Variants in CCDC102B observed in about 807,000 individuals in gnomAD.
CCDC102B encodes coiled-coil domain containing 102B, also known as coiled-coil domain-containing protein 102B.
CCDC102B carries 75 observed loss-of-function variants against 57.4 expected under a neutral mutation model. That is an observed-to-expected ratio of 1.31 (90% CI 1.08 to 1.58). The LOEUF (loss-of-function observed/expected upper bound fraction) is 1.58. Ranked by LOEUF, CCDC102B falls within the 40% of genes most tolerant of loss-of-function variation. The pLI, the probability that CCDC102B is intolerant of heterozygous loss-of-function variation, is 0.00. For missense variants in CCDC102B, 636 were observed against 582.6 expected, an observed-to-expected ratio of 1.09 and a Z score of -0.94; for synonymous variants, 206 against 201.9, an observed-to-expected ratio of 1.02 and a Z score of -0.17.
At chr18:68,917,488 G>A (rs2041116989) in intron 6 of CCDC102B, among the ~76,000 whole-genome samples, 1 of 152,108 alleles carries the variant, frequency 6.6e-6, no homozygotes, top group Admixed American at 6.5e-5. Flanking sequence ...TGTAGCTAAG[G>A]GAATTGTCAT....
At chr18:68,825,335 C>G (rs573038186) in intron 1 of CCDC102B, among the ~76,000 whole-genome samples, 1 of 152,204 alleles carries the variant, frequency 6.6e-6, no homozygotes, top group South Asian at 2.1e-4. Context: ...AAAGAAAAAG[C>G]TAAATAATAC....
At chr18:68,750,564 G>A (rs1438205935) in intron 2 of CCDC102B, among the ~76,000 whole-genome samples, 3 of 152,090 alleles carry the variant, frequency 2.0e-5, no homozygotes, top group Non-Finnish European at 4.4e-5. Context: ...TTCCATCAAT[G>A]ATAGACTGGA....
chr18:68,954,033 A>C (rs561609309), intron 6 of CCDC102B, among the ~76,000 whole-genome samples: 11 of 152,146 alleles, frequency 7.2e-5, no homozygotes, highest in Non-Finnish European at 1.6e-4. Context: ...ATAGGGGAAG[A>C]AAATTTTAGT....
At chr18:68,862,026 C>T (rs772884353) in intron 4 of CCDC102B, among the ~76,000 whole-genome samples, 12 of 152,134 alleles carry the variant, frequency 7.9e-5, no homozygotes, top group Non-Finnish European at 1.6e-4. Flanking sequence ...ATAATCATCT[C>T]TCTCTAAATG....
At chr18:68,715,336 C>G (rs952120352) in exon 1 of CCDC102B, 1 of 950,894 alleles carries the variant, frequency 1.1e-6, no homozygotes, top group African/African-American at 1.8e-5. Flanking sequence ...AAGGTGAATA[C>G]CGGTGAAAGT....
At chr18:68,858,142 C>G (rs2038566077) in intron 4 of CCDC102B, among the ~76,000 whole-genome samples, 1 of 152,192 alleles carries the variant, frequency 6.6e-6, no homozygotes, top group South Asian at 2.1e-4. Flanking sequence ...TGTGCCCCCA[C>G]CAGGCAACAA....
chr18:69,004,713 C>A (rs1426719849), intron 6 of CCDC102B, among the ~76,000 whole-genome samples: 1 of 151,994 alleles, frequency 6.6e-6, no homozygotes, highest in Non-Finnish European at 1.5e-5. Flanking sequence ...TAATCTATGA[C>A]CTCTACTGGA....
At chr18:68,799,147 A>G (rs1372737985) in intron 1 of CCDC102B, among the ~76,000 whole-genome samples, 2 of 152,092 alleles carry the variant, frequency 1.3e-5, no homozygotes, top group Non-Finnish European at 2.9e-5. Flanking sequence ...TTGCCAATAA[A>G]TATTTTTATA....
chr18:68,897,596 T>C (rs1479776490), intron 6 of CCDC102B, 168 bp downstream of exon 6: 10 of 1,570,024 alleles, frequency 6.4e-6, no homozygotes, highest in Non-Finnish European at 8.6e-6. Flanking sequence ...ATAACGTTCA[T>C]GCATCTGAAA....
chr18:69,051,232 AT>A (rs2052696761), intron 7 of CCDC102B, among the ~76,000 whole-genome samples: 1 of 150,128 alleles, frequency 6.7e-6, no homozygotes, highest in African/African-American at 2.5e-5. Context: ...TATAAAATAC[AT>A]TTTATTTTTT....
intron 6 of CCDC102B, among the ~76,000 whole-genome samples, chr18:68,941,490 G>A (rs1314768124): frequency 1.3e-5 from 2 of 152,016 alleles, no homozygotes; most frequent in African/African-American, 4.8e-5. Flanking sequence ...AAATGTACTT[G>A]CTAGATATGA....
At chr18:68,937,354 A>G (rs2049268128) in intron 6 of CCDC102B, among the ~76,000 whole-genome samples, 1 of 152,196 alleles carries the variant, frequency 6.6e-6, no homozygotes, top group Admixed American at 6.5e-5. Flanking sequence ...AGCTGAAACC[A>G]GAAGCTGAAT....
chr18:69,045,232 T>C (rs1198040863), intron 7 of CCDC102B, among the ~76,000 whole-genome samples: 1 of 152,070 alleles, frequency 6.6e-6, no homozygotes, highest in Non-Finnish European at 1.5e-5. Flanking sequence ...AATAGTAAAT[T>C]ATTCATGAAG....
chr18:68,746,150 C>T (rs962881922), intron 2 of CCDC102B, among the ~76,000 whole-genome samples: 7 of 152,148 alleles, frequency 4.6e-5, no homozygotes, highest in Admixed American at 6.6e-5. Context: ...TCCTTAGAAA[C>T]AGACTCCAGA....
At chr18:68,987,134 C>A (rs990118884) in intron 6 of CCDC102B, among the ~76,000 whole-genome samples, 1 of 152,224 alleles carries the variant, frequency 6.6e-6, no homozygotes, top group East Asian at 1.9e-4. Context: ...GTGAAAAGAA[C>A]AAAGCTGAAT....
chr18:68,908,438 A>G (rs1159976329), intron 6 of CCDC102B: 1 of 152,068 alleles, frequency 6.6e-6, no homozygotes, highest in Non-Finnish European at 1.5e-5. Context: ...TGATTTTTTC[A>G]ATGATTCTGT....
intron 6 of CCDC102B, among the ~76,000 whole-genome samples, chr18:68,985,436 C>G (rs1008248601): frequency 1.3e-5 from 2 of 152,082 alleles, no homozygotes; most frequent in South Asian, 2.1e-4. Context: ...TAGAAATACT[C>G]TAGATCTATG....
chr18:68,841,506 A>G (rs1473322006), intron 3 of CCDC102B, among the ~76,000 whole-genome samples: 1 of 152,164 alleles, frequency 6.6e-6, no homozygotes, highest in African/African-American at 2.4e-5. Flanking sequence ...AGGAAAGCTG[A>G]TCCTCTTATA....
Position 68,842,397 on chromosome 18 carries a change from C to T in CCDC102B, c.827+3471C>T, listed in dbSNP as rs548891843. ...TAAACCTTTACCATTTTTTGACTCT[C>T]CAGTGTCTATTTTGTGTTTTGGCAA... On this transcript the variant is annotated intron_variant, in intron 3 of 7. Transcript: ENST00000360242. Among the ~76,000 whole-genome samples, 4 of 152,112 alleles carry T rather than the reference C, an allele frequency of 2.6e-5. No homozygotes were observed. In the South Asian group the frequency reaches 6.2e-4, roughly 24 times the overall value.
Sources: allele counts gnomAD v4.1 joint callset (sites outside exome capture counted in the v4.1 genomes callset), GRCh38; gene constraint gnomAD v4.1.1; transcripts MANE v1.5; gene names NCBI Gene and HGNC (gene_info 2026-07-23, HGNC 2026-07-21).